RECQL: variants seen among roughly 807,000 people sequenced by gnomAD.
RECQL encodes the protein RecQ like helicase.
In RECQL, 73 loss-of-function variants were observed where a neutral mutation model predicts 75.8. The ratio of observed to expected loss-of-function variants is 0.96; its 90% CI spans 0.80 to 1.17. The LOEUF is 1.17. Among genes scored for constraint, RECQL ranks in the 50% most tolerant of loss-of-function variants. RECQL has a pLI of 0.00. For missense variants in RECQL, 699 were observed against 772.1 expected, an observed-to-expected ratio of 0.91 and a Z score of 1.12; for synonymous variants, 248 against 254.4, an observed-to-expected ratio of 0.97 and a Z score of 0.24.
In RECQL at chr12:21,475,717, T is replaced by C. The variant is rs934313016; in HGVS notation, c.1057A>G (p.Lys353Glu). 1.2e-6 allele frequency: 2 copies of C among 1,613,404 alleles called. No individual in the cohort carries two copies. Among genetic ancestry groups the C allele is most frequent in the African/African-American group, 2.7e-5 (2 of 74,920 alleles). Residue 353 changes from lysine to glutamate, a missense_variant, in exon 9 of 15, where the codon AAG becomes GAG. Coordinates refer to ENST00000444129, the MANE Select transcript of RECQL (RefSeq NM_002907.4). ...GACCATTTTCTATGAACTGTGGTCTTATCTTCTGGCTCCAAATTGGCATGG... is the reference window on the plus strand; with the variant it reads ...GACCATTTTCTATGAACTGTGGTCTCATCTTCTGGCTCCAAATTGGCATGG... ...AYHANLEPED[K>E]TTVHRKWSAN...
intron 6 of RECQL, among the ~76,000 whole-genome samples, chr12:21,481,275 G>T (rs527446577): frequency 6.6e-6 from 1 of 152,320 alleles, no homozygotes; most frequent in South Asian, 2.1e-4. Context: ...AAGAAAAAGA[G>T]CAGTTCTTTT....
intron 13 of RECQL, 146 bp downstream of exon 13, chr12:21,471,282 T>C: frequency 3.1e-6 from 3 of 964,662 alleles, no homozygotes; most frequent in Non-Finnish European, 3.0e-6. Flanking sequence ...TTTATAGTGA[T>C]TAAAGTTTGA....
rs116180532 is a variant in RECQL at position 21,500,429 on chromosome 12, C to T, written c.-46+741G>A. 3.4e-3 allele frequency among the ~76,000 whole-genome samples: 517 copies of T among 152,278 alleles called. 5 individuals carry two copies. Among genetic ancestry groups the T allele is most frequent in the African/African-American group, 0.012 (490 of 41,542 alleles). The stretch of plus-strand genomic sequence containing the variant: ...GGACATTTTCTAAAACTAAGATGCT[C>T]TCCAAAAGTCACTTCTGCAACACCT... On this transcript the variant is annotated intron_variant, in intron 1 of 14. Transcript: ENST00000444129.
At chr12:21,482,895 T>C (rs1943218672) in intron 6 of RECQL, among the ~76,000 whole-genome samples, 1 of 152,118 alleles carries the variant, frequency 6.6e-6, no homozygotes, top group East Asian at 1.9e-4. Flanking sequence ...ACTAAAAATA[T>C]CTCATCAAAG....
At chr12:21,484,406 ACTTT>A (rs1175493642) in intron 5 of RECQL, among the ~76,000 whole-genome samples, 2 of 152,164 alleles carry the variant, frequency 1.3e-5, no homozygotes, top group African/African-American at 4.8e-5. Context: ...TTTCTAAATT[ACTTT>A]CTATTACTAT....
At chr12:21,482,199 G>A (rs1383307420) in intron 6 of RECQL, among the ~76,000 whole-genome samples, 1 of 151,778 alleles carries the variant, frequency 6.6e-6, no homozygotes, top group East Asian at 1.9e-4. Context: ...TAAGAAGGCA[G>A]GAAAGGATGA....
chr12:21,470,175 A>C lies in RECQL; in HGVS notation c.*19T>G, dbSNP rs372038613. On this transcript the variant is annotated 3_prime_UTR_variant, in exon 15 of 15. Transcript: ENST00000444129. ...CATGCATAAACCATCTTTAATTAGA[A>C]AATTTAGTAACATTCATATCAGGCA... 519 of 1,609,556 alleles carry C rather than the reference A, an allele frequency of 3.2e-4. No homozygotes were observed. In the African/African-American group the frequency reaches 6.0e-3, roughly 18 times the overall value.
intron 4 of RECQL, among the ~76,000 whole-genome samples, chr12:21,489,050 C>G (rs67943377): frequency 2.6e-5 from 4 of 152,104 alleles, no homozygotes; most frequent in Admixed American, 2.6e-4. Flanking sequence ...AATGCCACTT[C>G]CTCAGAACAG....
chr12:21,471,795 C>G, intron 12 of RECQL, 148 bp from the exon 13 acceptor site: 1 of 648,388 alleles, frequency 1.5e-6, no homozygotes, highest in Non-Finnish European at 2.7e-6. Context: ...TGAATTAAGA[C>G]TAGGCTATTC....
chr12:21,475,455 G>C lies in RECQL; in HGVS notation c.1216+13C>G. The C allele has an allele frequency of 6.6e-7, 1 of 1,508,596 alleles. No individual in the cohort carries two copies. The highest frequency in any genetic ancestry group is 1.4e-5 in the African/African-American group (1 of 71,856). The allele number at this position is 1,508,596 out of a possible 1,614,324, so 93.5% of individuals were successfully genotyped here. A position where few individuals can be genotyped will look rare whatever the true frequency, so the allele number is the denominator to read the frequency against. On this transcript the variant is annotated intron_variant, in intron 10 of 14. Coordinates refer to ENST00000444129, the MANE Select transcript of RECQL (RefSeq NM_002907.4). ...TTTCTAAAAATTTACTTCTGGATTT[G>C]AGTCCTACATACCTGCACGTCCACT...
intron 2 of RECQL, among the ~76,000 whole-genome samples, chr12:21,494,255 A>G (rs1323602441): frequency 6.6e-6 from 1 of 152,180 alleles, no homozygotes; most frequent in Admixed American, 6.5e-5. Context: ...ATCCTGCTCC[A>G]TGACCCAAAC....
intron 1 of RECQL, among the ~76,000 whole-genome samples, chr12:21,500,656 C>T (rs1183008008): frequency 1.3e-5 from 2 of 152,184 alleles, no homozygotes; most frequent in Admixed American, 1.3e-4. Flanking sequence ...GAAAATGTAA[C>T]ATTCCTTCCA....
At chr12:21,476,605 C>T (rs1287261653) in intron 8 of RECQL, among the ~76,000 whole-genome samples, 1 of 152,004 alleles carries the variant, frequency 6.6e-6, no homozygotes, top group Non-Finnish European at 1.5e-5. Flanking sequence ...ATTTTGTACA[C>T]AGTGGATACA....
Position 21,476,984 on chromosome 12 carries a change from C to A in RECQL, c.876G>T (p.Gln292His), listed in dbSNP as rs774921610. ...TAAAATCTTCAGTGTTTGAGGGCTT[C>A]TGCCGAACCTAAAAAAAACTTAACT... ...NRPNLYYEVR[Q>H]KPSNTEDFIE... The change falls in exon 8 of 15, where the codon CAG (glutamine) becomes CAT (histidine). Residue 292 changes from glutamine to histidine, a missense_variant. This residue lies in a region of RECQL where 669 missense variants were observed against 713.5 expected (regional missense o/e 0.94). Coordinates refer to ENST00000444129, the MANE Select transcript of RECQL (RefSeq NM_002907.4). 1.2e-6 allele frequency: 2 copies of A among 1,604,042 alleles called. No homozygotes were observed. Among genetic ancestry groups the A allele is most frequent in the South Asian group, 1.1e-5 (1 of 88,794 alleles).
chr12:21,470,851 T>C (rs1411508977), intron 14 of RECQL, 118 bp downstream of exon 14: 6 of 653,612 alleles, frequency 9.2e-6, no homozygotes, highest in Non-Finnish European at 1.3e-5. Flanking sequence ...AGAAATCTAA[T>C]CAGAAAACTG....
At chr12:21,479,655 T>A (rs1177458605) in intron 6 of RECQL, among the ~76,000 whole-genome samples, 1 of 152,054 alleles carries the variant, frequency 6.6e-6, no homozygotes, top group Admixed American at 6.6e-5. Flanking sequence ...ACCGAGCCCA[T>A]CATGTAATTT....
intron 6 of RECQL, among the ~76,000 whole-genome samples, chr12:21,481,844 G>T (rs1404358953): frequency 6.6e-6 from 1 of 151,920 alleles, no homozygotes; most frequent in South Asian, 2.1e-4. Context: ...AGTAACCAAG[G>T]GAGTAGAATG....
At chr12:21,493,708 C>T (rs1943453950) in intron 2 of RECQL, among the ~76,000 whole-genome samples, 1 of 152,106 alleles carries the variant, frequency 6.6e-6, no homozygotes, top group South Asian at 2.1e-4. Context: ...TCTCTTCTAC[C>T]CTGCCTCCCC....
chr12:21,471,438 G>T lies in RECQL; in HGVS notation c.1657C>A (p.Gln553Lys), dbSNP rs202203602. 1.2e-4 allele frequency: 189 copies of T among 1,611,172 alleles called. No individual in the cohort carries two copies. Among genetic ancestry groups the T allele is most frequent in the Admixed American group, 1.7e-5 (1 of 59,756 alleles). Residue 553 changes from glutamine (Q) to lysine (K), a missense_variant, in exon 13 of 15, where the codon CAG becomes AAG. Physicochemically the swap from Gln to Lys is moderately conservative, Grantham distance 53. Coordinates refer to ENST00000444129, the MANE Select transcript of RECQL (RefSeq NM_002907.4). ...EKIIAHFLIQ[Q>K]YLKEDYSFTA... is the part of the protein sequence containing the mutation. ...TGAGTTTGTACATACTTAAGATACT[G>T]CTGTATTAGAAAGTGTGCAATAATC...
Sources: allele counts gnomAD v4.1 joint callset (sites outside exome capture counted in the v4.1 genomes callset), GRCh38; gene constraint gnomAD v4.1.1; regional missense constraint gnomAD v4.1.1; transcripts MANE v1.5; gene names NCBI Gene and HGNC (gene_info 2026-07-23, HGNC 2026-07-21).